CAMK2D: variants seen among roughly 807,000 people sequenced by gnomAD.
The protein encoded by CAMK2D is calcium/calmodulin dependent protein kinase II delta.
In CAMK2D, 37 loss-of-function variants were observed where a neutral mutation model predicts 84.0. The observed-to-expected ratio is 0.44, with a 90% CI of 0.34 to 0.58. CAMK2D has a LOEUF of 0.58. Ranked by LOEUF, CAMK2D falls within the 20% of genes least tolerant of loss-of-function variation. The pLI is 0.02. For missense variants in CAMK2D, 448 were observed against 652.5 expected (o/e 0.69, Z 3.41); for synonymous variants, 202 against 212.5 (o/e 0.95, Z 0.43).
At chr4:113,618,903 A>C in intron 3 of CAMK2D, among the ~76,000 whole-genome samples, 1 of 152,170 alleles carries the variant, frequency 6.6e-6, no homozygotes, top group East Asian at 1.9e-4. Context: ...CCTTCGAGAG[A>C]ACAGTTAGTT....
At chr4:113,754,238 G>A in intron 2 of CAMK2D, 1 of 974,774 alleles carries the variant, frequency 1.0e-6, no homozygotes, top group Non-Finnish European at 1.2e-6. Flanking sequence ...TTAAAACACT[G>A]CATACATTAC....
In CAMK2D at chr4:113,464,081, C is replaced by T. The variant is rs142804150; in HGVS notation, c.1211+1448G>A. Among the ~76,000 whole-genome samples, 28 of 152,340 alleles carry T rather than the reference C, an allele frequency of 1.8e-4. No individual in the cohort carries two copies. In the East Asian group the frequency reaches 4.6e-3, roughly 25 times the overall value. Reference sequence around the variant, plus strand: ...ACCACCACCACCCTGAAAGTTTGCACCCAATTGTGTTTTATTCCATGGTGG... The same window carrying T: ...ACCACCACCACCCTGAAAGTTTGCATCCAATTGTGTTTTATTCCATGGTGG... On this transcript the variant is annotated intron_variant, in intron 17 of 20. Transcript: ENST00000511664.
chr4:113,737,127 TTC>T (rs2099583140), intron 2 of CAMK2D, among the ~76,000 whole-genome samples: 1 of 152,164 alleles, frequency 6.6e-6, no homozygotes, highest in South Asian at 2.1e-4. Flanking sequence ...CTGATATACT[TTC>T]TTTCTTTTCA....
At position 113,542,033 on chromosome 4, in the gene CAMK2D, G is replaced by A. The variant is rs182184116; in HGVS notation, c.415-4590C>T. On this transcript the variant is annotated intron_variant, in intron 6 of 20. Transcript: ENST00000511664. The stretch of plus-strand genomic sequence containing the variant: ...GCAATTAGGAAGTACTCTTTCTATT[G>A]CTATGCATATATGAGCAAGTTCATA... Among the ~76,000 whole-genome samples, 236 of 152,232 alleles carry A rather than the reference G, an allele frequency of 1.6e-3. 1 individual carries two copies. The highest frequency in any genetic ancestry group is 6.8e-3 in the Middle Eastern group (2 of 294).
intron 16 of CAMK2D, among the ~76,000 whole-genome samples, chr4:113,486,539 T>G (rs904877575): frequency 7.2e-5 from 11 of 152,306 alleles, no homozygotes; most frequent in Non-Finnish European, 1.6e-4. Context: ...AGAAAATGTG[T>G]GCCATTACAT....
chr4:113,710,775 C>T (rs1223459087), intron 2 of CAMK2D, among the ~76,000 whole-genome samples: 1 of 152,080 alleles, frequency 6.6e-6, no homozygotes, highest in African/African-American at 2.4e-5. Flanking sequence ...GTCCTATTTT[C>T]AGAGAAAATA....
intron 4 of CAMK2D, among the ~76,000 whole-genome samples, chr4:113,577,474 A>G (rs1186476251): frequency 6.6e-6 from 1 of 152,150 alleles, no homozygotes; most frequent in Non-Finnish European, 1.5e-5. Flanking sequence ...CTTCATCCAC[A>G]TACACTATAC....
intron 16 of CAMK2D, among the ~76,000 whole-genome samples, chr4:113,482,215 A>G (rs2097709052): frequency 6.6e-6 from 1 of 152,236 alleles, no homozygotes; most frequent in South Asian, 2.1e-4. Context: ...TAATATCAGC[A>G]AAAGATGATT....
At chr4:113,493,391 T>A (rs1339842492) in intron 16 of CAMK2D, among the ~76,000 whole-genome samples, 1,644 of 151,220 alleles carry the variant, frequency 0.011, 40 homozygotes, top group African/African-American at 0.038. Flanking sequence ...TTATTTCTCC[T>A]TCACTTATGA....
intron 4 of CAMK2D, among the ~76,000 whole-genome samples, chr4:113,569,005 A>T (rs2154219464): frequency 6.6e-6 from 1 of 152,160 alleles, no homozygotes; most frequent in African/African-American, 2.4e-5. Context: ...TACTAGATGT[A>T]TAATTTGCAA....
At chr4:113,714,438 T>C (rs2099506921) in intron 2 of CAMK2D, among the ~76,000 whole-genome samples, 1 of 152,096 alleles carries the variant, frequency 6.6e-6, no homozygotes, top group Admixed American at 6.6e-5. Flanking sequence ...ACTTATCTAC[T>C]GAACAAGTTC....
In CAMK2D at chr4:113,644,134, C is replaced by A. The variant is rs371534730; in HGVS notation, c.220+17579G>T. 2.0e-4 allele frequency among the ~76,000 whole-genome samples: 31 copies of A among 152,070 alleles called. 1 individual carries two copies. The highest frequency in any genetic ancestry group is 7.5e-4 in the African/African-American group (31 of 41,394). ...ACTTTGACTTCATAAGACGTGCAGA[C>A]CCTGGTATACTCAGGGTGTTTTGAG... On this transcript the variant is annotated intron_variant, in intron 3 of 20. Coordinates refer to ENST00000511664, the MANE Select transcript of CAMK2D (RefSeq NM_001321571.2).
At chr4:113,697,404 G>A (rs777592343) in intron 2 of CAMK2D, among the ~76,000 whole-genome samples, 78 of 152,132 alleles carry the variant, frequency 5.1e-4, no homozygotes, top group Non-Finnish European at 8.8e-4. Context: ...GACAAAAAGG[G>A]AAGAGATTAT....
At chr4:113,573,112 G>A (rs1030501457) in intron 4 of CAMK2D, among the ~76,000 whole-genome samples, 2 of 152,184 alleles carry the variant, frequency 1.3e-5, no homozygotes, top group Non-Finnish European at 2.9e-5. Flanking sequence ...ATACATTAGT[G>A]ATGTAATAGC....
chr4:113,574,512 C>A (rs376172843), intron 4 of CAMK2D, among the ~76,000 whole-genome samples: 1 of 152,154 alleles, frequency 6.6e-6, no homozygotes, highest in African/African-American at 2.4e-5. Flanking sequence ...AGTATTAGAA[C>A]CCAAAAGCCT....
At chr4:113,647,593 G>A (rs2099156994) in intron 3 of CAMK2D, among the ~76,000 whole-genome samples, 1 of 152,236 alleles carries the variant, frequency 6.6e-6, no homozygotes, top group Admixed American at 6.5e-5. Context: ...CCACCCAAGA[G>A]ATGCCAGAAT....
In CAMK2D at chr4:113,460,223, G is replaced by C; in HGVS notation, c.1230C>G (p.Gly410=). 3 of 1,594,508 alleles carry C rather than the reference G, an allele frequency of 1.9e-6. No homozygotes were observed. Among genetic ancestry groups the C allele is most frequent in the South Asian group, 2.3e-5 (2 of 88,772 alleles). The change falls in exon 18 of 21, where the codon GGC becomes GGG. Residue 410 remains glycine, a synonymous_variant. Coordinates refer to ENST00000511664, the MANE Select transcript of CAMK2D (RefSeq NM_001321571.2). ...AAGCTTCAGGTTCAAAAGCAGTAAG[G>C]CCTGGGTCACAGATTTTTCTGTAAA... ...FEAYTKICDP[G]LTAFEPEALG...
chr4:113,492,077 C>T (rs1038531308), intron 16 of CAMK2D, among the ~76,000 whole-genome samples: 5 of 151,826 alleles, frequency 3.3e-5, no homozygotes, highest in African/African-American at 9.7e-5. Flanking sequence ...TTTTGTTGAT[C>T]CTTTCAAAAA....
At chr4:113,591,085 A>C (rs2098876271) in intron 4 of CAMK2D, among the ~76,000 whole-genome samples, 1 of 152,106 alleles carries the variant, frequency 6.6e-6, no homozygotes, top group East Asian at 1.9e-4. Flanking sequence ...TCTTCTCTCA[A>C]AATCTGCTTG....
Sources: allele counts gnomAD v4.1 joint callset (sites outside exome capture counted in the v4.1 genomes callset), GRCh38; gene constraint gnomAD v4.1.1; transcripts MANE v1.5; gene names NCBI Gene and HGNC (gene_info 2026-07-23, HGNC 2026-07-21).